Variants in ATAD1 observed in about 807,000 individuals in gnomAD.
The protein encoded by ATAD1 is outer mitochondrial transmembrane helix translocase.
ATAD1 carries 18 observed loss-of-function variants against 42.7 expected under a neutral mutation model. The observed-to-expected ratio is 0.42, with a 90% CI of 0.29 to 0.63. ATAD1 has a LOEUF of 0.63. Among genes scored for constraint, ATAD1 ranks in the 20% least tolerant of loss-of-function variants. The pLI is 0.19. For missense variants in ATAD1, 294 were observed against 440.4 expected (o/e 0.67, Z 2.98); for synonymous variants, 132 against 143.1 (o/e 0.92, Z 0.55).
chr10:87,800,157 T>C (rs1462592051), intron 2 of ATAD1, among the ~76,000 whole-genome samples: 12 of 151,936 alleles, frequency 7.9e-5, no homozygotes, highest in Admixed American at 4.6e-4. Context: ...CTAGAGATGA[T>C]TGGACTTGAT....
At position 87,783,043 on chromosome 10, in the gene ATAD1, C is replaced by T. The variant is rs117793270; in HGVS notation, c.583+1427G>A. Among the ~76,000 whole-genome samples the T allele has an allele frequency of 9.0e-3, 1,370 of 151,586 alleles. 11 individuals are homozygous for T. Among genetic ancestry groups the T allele is most frequent in the Non-Finnish European group, 0.015 (996 of 67,904 alleles). On this transcript the variant is annotated intron_variant, in intron 5 of 9. Transcript: ENST00000680024. ...TATCATAACAAAATCAAACTAATCA[C>T]ACTTCCCAGTTAAAGAGAAGCTTAG...
At chr10:87,787,395 G>T (rs1157212248) in intron 4 of ATAD1, among the ~76,000 whole-genome samples, 1 of 152,156 alleles carries the variant, frequency 6.6e-6, no homozygotes, top group East Asian at 1.9e-4. Flanking sequence ...TGAGGCAGGA[G>T]GATAACGAGC....
chr10:87,781,818 T>C (rs74888836), intron 5 of ATAD1, among the ~76,000 whole-genome samples: 1 of 150,894 alleles, frequency 6.6e-6, no homozygotes, highest in Non-Finnish European at 1.5e-5. Flanking sequence ...AATTTTTGTA[T>C]TTTTTTTTGT....
intron 1 of ATAD1, among the ~76,000 whole-genome samples, chr10:87,817,602 C>G (rs1457466186): frequency 6.6e-6 from 1 of 152,232 alleles, no homozygotes; most frequent in East Asian, 1.9e-4. Flanking sequence ...AATCGTTTCT[C>G]AAACTCAAAA....
intron 1 of ATAD1, among the ~76,000 whole-genome samples, chr10:87,817,427 T>C (rs1037103775): frequency 2.0e-5 from 3 of 152,238 alleles, no homozygotes; most frequent in Non-Finnish European, 4.4e-5. Context: ...AGTTATTTGT[T>C]AGGCAAATAT....
intron 6 of ATAD1, among the ~76,000 whole-genome samples, chr10:87,773,121 A>G (rs1388456580): frequency 1.3e-5 from 2 of 152,192 alleles, no homozygotes; most frequent in Non-Finnish European, 2.9e-5. Flanking sequence ...AAATTTATCT[A>G]TGTAACAAAC....
intron 8 of ATAD1, among the ~76,000 whole-genome samples, chr10:87,765,777 T>G (rs1854714264): frequency 6.6e-6 from 1 of 152,142 alleles, no homozygotes; most frequent in East Asian, 1.9e-4. Context: ...TGCCTATAAT[T>G]CCAGCCTTGG....
intron 1 of ATAD1, among the ~76,000 whole-genome samples, chr10:87,831,124 T>C (rs975736555): frequency 3.3e-5 from 5 of 152,192 alleles, no homozygotes; most frequent in African/African-American, 4.8e-5. Flanking sequence ...GTCTACATTA[T>C]AGAGTTGGGG....
intron 2 of ATAD1, among the ~76,000 whole-genome samples, chr10:87,799,352 T>C (rs183114236): frequency 1.1e-3 from 174 of 152,326 alleles, no homozygotes; most frequent in African/African-American, 4.0e-3. Flanking sequence ...TTAATGAAAA[T>C]AGCTACATCT....
chr10:87,756,756 A>G (rs1854239496), intron 9 of ATAD1, 33 bp downstream of exon 9: 2 of 1,513,638 alleles, frequency 1.3e-6, no homozygotes, highest in Non-Finnish European at 8.9e-7. Flanking sequence ...AAAGATTTTG[A>G]CAAGTGTTAA....
At position 87,807,298 on chromosome 10, in the gene ATAD1, C is replaced by T. The variant is rs191762483; in HGVS notation, c.162+7140G>A. ...GCACTCTTGTATGTATCTCCTGGTT[C>T]TTCGCTATATGCCCAGAATGAAACT... On this transcript the variant is annotated intron_variant, in intron 2 of 9. Transcript: ENST00000680024. 1.3e-3 allele frequency among the ~76,000 whole-genome samples: 196 copies of T among 152,204 alleles called. 1 individual carries two copies. Among genetic ancestry groups the T allele is most frequent in the African/African-American group, 4.5e-3 (185 of 41,526 alleles).
At chr10:87,774,888 G>A (rs1855219100) in intron 6 of ATAD1, among the ~76,000 whole-genome samples, 1 of 152,152 alleles carries the variant, frequency 6.6e-6, no homozygotes, top group Non-Finnish European at 1.5e-5. Context: ...AGGAGGTTGA[G>A]GTTGCAGTGA....
At chr10:87,840,431 G>C (rs1316546286) in intron 1 of ATAD1, among the ~76,000 whole-genome samples, 3 of 152,210 alleles carry the variant, frequency 2.0e-5, no homozygotes, top group Non-Finnish European at 4.4e-5. Context: ...GCTGCAGTGA[G>C]CCATGATTGC....
rs550871166 is a variant in ATAD1, at chr10:87,757,178, T to C, written c.832-256A>G. ...ATGGGGAAGAACGGATATTGGACTT[T>C]CTTTGATATCTCTCAAGAAGGTACC... On this transcript the variant is annotated intron_variant, in intron 8 of 9. Transcript: ENST00000680024. Among the ~76,000 whole-genome samples, 10 of 152,026 alleles carry C rather than the reference T, an allele frequency of 6.6e-5. No individual in the cohort carries two copies. In the South Asian group the frequency reaches 2.1e-3, roughly 32 times the overall value.
intron 8 of ATAD1, among the ~76,000 whole-genome samples, chr10:87,762,714 T>C (rs952228710): frequency 3.3e-5 from 5 of 151,532 alleles, no homozygotes; most frequent in Admixed American, 6.6e-5. Context: ...GTGATCTGCC[T>C]GCCTTGGCCT....
At chr10:87,811,227 G>A (rs952726968) in intron 2 of ATAD1, among the ~76,000 whole-genome samples, 4 of 152,058 alleles carry the variant, frequency 2.6e-5, no homozygotes, top group Non-Finnish European at 4.4e-5. Flanking sequence ...CAGCTACTCC[G>A]GAGGCTGAGG....
chr10:87,819,047 C>T (rs1857563605), upstream of ATAD1: 1 of 152,008 alleles, frequency 6.6e-6, no homozygotes, highest in South Asian at 2.1e-4. Flanking sequence ...GTCGGTGAGA[C>T]TATGATGTAA....
chr10:87,759,593 C>A (rs1400487743), intron 8 of ATAD1, among the ~76,000 whole-genome samples: 1 of 152,124 alleles, frequency 6.6e-6, no homozygotes, highest in Non-Finnish European at 1.5e-5. Flanking sequence ...AAATCTTGTG[C>A]CTGATAAGAT....
chr10:87,764,195 C>A (rs965127477), intron 8 of ATAD1, among the ~76,000 whole-genome samples: 1 of 152,048 alleles, frequency 6.6e-6, no homozygotes, highest in Admixed American at 6.6e-5. Context: ...CGCAGTGGCT[C>A]ATGCCTGAAA....
Sources: gnomAD v4.1 joint callset for allele counts (sites outside exome capture counted in the v4.1 genomes callset) on GRCh38, gnomAD v4.1.1 for gene constraint, MANE v1.5 for transcripts, NCBI Gene and HGNC (gene_info 2026-07-23, HGNC 2026-07-21) for gene names.